The following DDX11 variants were observed in gnomAD, a reference collection of about 807,000 sequenced individuals.
DDX11 encodes the protein DEAD/H-box helicase 11.
DDX11 carries 72 observed loss-of-function variants against 125.2 expected under a neutral mutation model. That is an observed-to-expected ratio of 0.58 (90% CI 0.48 to 0.70). The LOEUF (loss-of-function observed/expected upper bound fraction) is 0.70, where lower values mean the gene tolerates loss of function less well. Ranked by LOEUF, DDX11 falls within the 30% of genes least tolerant of loss-of-function variation. The pLI, the probability that DDX11 is intolerant of heterozygous loss-of-function variation, is 0.00. For missense variants in DDX11, 883 were observed against 1,165.0 expected, an observed-to-expected ratio of 0.76 and a Z score of 3.52; for synonymous variants, 347 against 452.6, an observed-to-expected ratio of 0.77 and a Z score of 2.96.
At position 31,084,510 on chromosome 12, in the gene DDX11, T is replaced by C. The variant is rs1282191168; in HGVS notation, c.394-73T>C. 3.0e-6 allele frequency: 4 copies of C among 1,343,326 alleles called. No homozygotes were observed. The African/African-American group carries it at 5.8e-5, about 19-fold the overall frequency. 83.2% of individuals were successfully genotyped at this position (1,343,326 alleles called of 1,614,324 possible). A position where few individuals can be genotyped will look rare whatever the true frequency, so the allele number is the denominator to read the frequency against. On this transcript the variant is annotated intron_variant, in intron 3 of 26. Transcript: ENST00000542838. Reference sequence around the variant, plus strand: ...CCCAGTGAGGAGGCGCCGGGCTGAGTGGCCCAGACTCCTTAGGAGAGGCCT... The same window carrying C: ...CCCAGTGAGGAGGCGCCGGGCTGAGCGGCCCAGACTCCTTAGGAGAGGCCT...
intron 19 of DDX11, 46 bp from the exon 20 acceptor site, chr12:31,100,981 G>A (rs1946277037): frequency 5.2e-6 from 8 of 1,530,360 alleles, no homozygotes; most frequent in Admixed American, 1.7e-5. Context: ...GTGTCTTGCA[G>A]CACACCTGCA....
chr12:31,083,670 T>G, intron 2 of DDX11, 143 bp from the exon 3 acceptor site: 1 of 1,074,162 alleles, frequency 9.3e-7, no homozygotes, highest in Non-Finnish European at 1.4e-6. Flanking sequence ...CTAATTTCCT[T>G]CCTTTCCTTT....
At chr12:31,081,853 C>CA (rs1424300748) in intron 2 of DDX11, among the ~76,000 whole-genome samples, 2 of 110,952 alleles carry the variant, frequency 1.8e-5, no homozygotes, top group African/African-American at 4.1e-5. Context: ...CGGAGTATAC[C>CA]ACGGTTGTTT....
Position 31,089,583 on chromosome 12 carries a change from A to G in DDX11, c.880+93A>G. Reference sequence around the variant, plus strand: ...GAAGACCATTAAGTGTCTTTCATAGAAAGAATGGCAGAGGAGACCCCAGTT... The same window carrying G: ...GAAGACCATTAAGTGTCTTTCATAGGAAGAATGGCAGAGGAGACCCCAGTT... On this transcript the variant is annotated intron_variant, in intron 8 of 26. Coordinates refer to ENST00000542838, the MANE Select transcript of DDX11 (RefSeq NM_030653.4). 3 of 1,374,512 alleles carry G rather than the reference A, an allele frequency of 2.2e-6. No homozygotes were observed. In the South Asian group the frequency reaches 3.6e-5, roughly 16 times the overall value. 85.1% of individuals were successfully genotyped at this position (1,374,512 alleles called of 1,614,324 possible).
intron 18 of DDX11, chr12:31,100,344 T>G: frequency 3.2e-5 from 10 of 307,764 alleles, no homozygotes; most frequent in Non-Finnish European, 4.3e-5. Context: ...GGCCTGGCCA[T>G]GTGTATTTTT....
rs1946451965 is a variant in DDX11 at position 31,101,945 on chromosome 12, A to G, written c.2165A>G (p.Lys722Arg). 1 of 1,613,564 alleles carries G rather than the reference A, an allele frequency of 6.2e-7. No homozygotes were observed. The highest frequency in any genetic ancestry group is 8.5e-7 in the Non-Finnish European group (1 of 1,179,778). The change falls in exon 21 of 27, where the codon AAG becomes AGG. Residue 722 changes from lysine to arginine, a missense_variant. Lys to Arg is a conservative substitution (Grantham distance 26). This residue lies in a region of DDX11 where 285 missense variants were observed against 346.0 expected (regional missense o/e 0.82). Coordinates refer to ENST00000542838, the MANE Select transcript of DDX11 (RefSeq NM_030653.4). ...YLRQVHAHWE[K>R]GGLLGRLAAR... ...CGCCAGGTCCATGCCCACTGGGAGA[A>G]GGGTGGCCTGCTGGGCCGTCTGGCT...
chr12:31,088,086 T>C, intron 6 of DDX11, 103 bp downstream of exon 6: 3 of 1,528,764 alleles, frequency 2.0e-6, no homozygotes, highest in Non-Finnish European at 8.9e-7. Flanking sequence ...CACCCTCCTC[T>C]CCACAAAGGA....
At chr12:31,096,169 G>T (rs1479497217) in intron 14 of DDX11, among the ~76,000 whole-genome samples, 172 bp from the exon 15 acceptor site, 4 of 151,822 alleles carry the variant, frequency 2.6e-5, no homozygotes, top group African/African-American at 9.7e-5. Flanking sequence ...AGAGGAGGGG[G>T]TGGCCTCGGA....
At position 31,096,927 on chromosome 12, in the gene DDX11, C is replaced by G. The variant is rs2075322; in HGVS notation, c.1699C>G (p.Gln567Glu). 781,375 of 1,613,420 alleles carry G rather than the reference C, an allele frequency of 0.48. 196,902 individuals are homozygous for G. The highest frequency in any genetic ancestry group is 0.86 in the East Asian group (38,725 of 44,836). Residue 567 changes from glutamine to glutamate, a missense_variant, in exon 17 of 27, where the codon CAA (glutamine) becomes GAA (glutamate). Gln to Glu is a conservative substitution (Grantham distance 29, BLOSUM62 2). This residue lies in a region of DDX11 where 241 missense variants were observed against 279.7 expected (regional missense o/e 0.86). Transcript: ENST00000542838. ...ACCAGCTTCTCCACTGATGCACATC[C>G]AAGGCTTCCTGGCAGCTCTCACTAC... ...LRPASPLMHI[Q>E]GFLAALTTAN... is the part of the protein sequence containing the mutation.
rs556375065 is a variant in DDX11 at position 31,078,047 on chromosome 12, A to G, written c.-4-343A>G. 3.5e-4 allele frequency: 157 copies of G among 454,468 alleles called. 1 individual carries two copies. The highest frequency in any genetic ancestry group is 3.0e-3 in the African/African-American group (148 of 49,044). 28.2% of individuals were successfully genotyped at this position (454,468 alleles called of 1,614,324 possible). A position where few individuals can be genotyped will look rare whatever the true frequency, so the allele number is the denominator to read the frequency against. ...AAAGTCATTATAAGCAACACCCTTG[A>G]TCTTAGGGGTGCTGGTCTGTGAGAA... On this transcript the variant is annotated intron_variant, in intron 1 of 26. Coordinates refer to ENST00000542838, the MANE Select transcript of DDX11 (RefSeq NM_030653.4).
At chr12:31,103,072 G>A (rs1396231200) in intron 24 of DDX11, 52 bp downstream of exon 24, 2 of 1,587,886 alleles carry the variant, frequency 1.3e-6, no homozygotes, top group African/African-American at 1.3e-5. Flanking sequence ...CAGTGGGTGG[G>A]AGTGGCATCA....
chr12:31,094,365 C>T (rs1456778687), intron 12 of DDX11: 2 of 594,092 alleles, frequency 3.4e-6, no homozygotes. Context: ...ACTTACAGGG[C>T]TTTGGGTTCC....
intron 18 of DDX11, 58 bp downstream of exon 18, chr12:31,098,055 G>C (rs189558076): frequency 2.8e-6 from 4 of 1,428,644 alleles, no homozygotes; most frequent in South Asian, 1.2e-5. Context: ...ATGGGGGCTT[G>C]GGAGAGATGC....
At chr12:31,076,501 G>T (rs1592549060) in intron 1 of DDX11, among the ~76,000 whole-genome samples, 5 of 152,256 alleles carry the variant, frequency 3.3e-5, no homozygotes, top group African/African-American at 1.2e-4. Flanking sequence ...AACCGGATGA[G>T]CTTCACTAAA....
intron 9 of DDX11, 92 bp from the exon 10 acceptor site, chr12:31,091,627 A>G: frequency 7.2e-7 from 1 of 1,389,960 alleles, no homozygotes; most frequent in East Asian, 2.5e-5. Flanking sequence ...GGCAGGAAAT[A>G]GAAGCACTCA....
rs1302988899 is a variant in DDX11, at chr12:31,104,004, C to A, written c.*168C>A. 1.9e-6 allele frequency: 3 copies of A among 1,557,544 alleles called. No homozygotes were observed. The highest frequency in any genetic ancestry group is 2.3e-5 in the South Asian group (2 of 85,224). ...GGACCCAGGCACAGGCGTTAGCTCC[C>A]GTAGGAGAAAATGGGGGAATCCTGA... On this transcript the variant is annotated 3_prime_UTR_variant, in exon 27 of 27. Transcript: ENST00000542838.
intron 6 of DDX11, among the ~76,000 whole-genome samples, chr12:31,088,380 A>G (rs1336384256): frequency 1.3e-5 from 2 of 152,060 alleles, no homozygotes; most frequent in East Asian, 1.9e-4. Flanking sequence ...CTGGGCTGAA[A>G]TCTGGGTGTT....
chr12:31,080,602 C>T (rs1472102214), intron 2 of DDX11, among the ~76,000 whole-genome samples: 6 of 105,288 alleles, frequency 5.7e-5, no homozygotes, highest in Non-Finnish European at 9.2e-5. Flanking sequence ...GTGTCTCTGC[C>T]GAAATCACTT....
intron 6 of DDX11, among the ~76,000 whole-genome samples, 162 bp from the exon 7 acceptor site, chr12:31,088,882 G>T (rs977113879): frequency 6.6e-6 from 1 of 152,258 alleles, no homozygotes; most frequent in Non-Finnish European, 1.5e-5. Context: ...TGGGTCCCTC[G>T]ATAGATGCCT....
Sources: allele counts gnomAD v4.1 joint callset (sites outside exome capture counted in the v4.1 genomes callset), GRCh38; gene constraint gnomAD v4.1.1; regional missense constraint gnomAD v4.1.1; transcripts MANE v1.5; gene names NCBI Gene and HGNC (gene_info 2026-07-23, HGNC 2026-07-21).